DMXL2: variants seen among roughly 807,000 people sequenced by gnomAD.
The protein encoded by DMXL2 is Dmx like 2.
DMXL2 carries 103 observed loss-of-function variants against 331.1 expected under a neutral mutation model. The ratio of observed to expected loss-of-function variants is 0.31; its 90% CI spans 0.27 to 0.37. The LOEUF (loss-of-function observed/expected upper bound fraction) is 0.37, where lower values mean the gene tolerates loss of function less well. Among genes scored for constraint, DMXL2 ranks in the 10% least tolerant of loss-of-function variants. DMXL2 has a pLI of 1.00. For synonymous variants in DMXL2, 1,281 were observed against 1,252.1 expected (o/e 1.02, Z -0.49); for missense variants, 3,171 against 3,642.9 (o/e 0.87, Z 3.33).
intron 13 of DMXL2, among the ~76,000 whole-genome samples, chr15:51,529,995 G>A (rs1358254456): frequency 6.6e-6 from 1 of 152,000 alleles, no homozygotes; most frequent in Non-Finnish European, 1.5e-5. Context: ...AAGGACAACA[G>A]AATGAAGGAC....
chr15:51,591,199 C>T (rs758600764), intron 1 of DMXL2, among the ~76,000 whole-genome samples: 8 of 152,246 alleles, frequency 5.3e-5, no homozygotes, highest in Non-Finnish European at 8.8e-5. Flanking sequence ...AAAGCGGTGA[C>T]AGACGGCACC....
Position 51,483,103 on chromosome 15 carries a change from C to T in DMXL2, c.5483-1480G>A, listed in dbSNP as rs577483519. ...CATCAGCCCTCATGGCCACCACAAA[C>T]ATCTACAGTCCTTACAACAGAAGAA... On this transcript the variant is annotated intron_variant, in intron 23 of 43. Transcript: ENST00000560891. Among the ~76,000 whole-genome samples, 225 of 152,294 alleles carry T rather than the reference C, an allele frequency of 1.5e-3. 1 individual carries two copies. Among genetic ancestry groups the T allele is most frequent in the Non-Finnish European group, 2.6e-3 (179 of 68,024 alleles).
At chr15:51,534,531 G>A (rs1333475332) in intron 13 of DMXL2, among the ~76,000 whole-genome samples, 1 of 152,142 alleles carries the variant, frequency 6.6e-6, no homozygotes, top group Admixed American at 6.6e-5. Context: ...CTCCCTCATC[G>A]ATGGCCAGAT....
At chr15:51,466,617 G>C (rs1391327648) in intron 29 of DMXL2, 1 of 151,936 alleles carries the variant, frequency 6.6e-6, no homozygotes, top group Non-Finnish European at 1.5e-5. Context: ...GCAATAAATA[G>C]TTAGAAAAGT....
At chr15:51,469,452 C>A (rs1300625479) in intron 29 of DMXL2, among the ~76,000 whole-genome samples, 1 of 151,918 alleles carries the variant, frequency 6.6e-6, no homozygotes, top group Non-Finnish European at 1.5e-5. Flanking sequence ...AAACTGTTTA[C>A]CTTGTTAATG....
intron 26 of DMXL2, among the ~76,000 whole-genome samples, chr15:51,477,896 T>G (rs754361389): frequency 2.0e-5 from 3 of 152,110 alleles, no homozygotes; most frequent in Non-Finnish European, 4.4e-5. Context: ...TTCAAAAGTA[T>G]TTTTTATTTC....
At chr15:51,606,769 G>A (rs1194449116) in intron 1 of DMXL2, among the ~76,000 whole-genome samples, 3 of 152,120 alleles carry the variant, frequency 2.0e-5, no homozygotes, top group African/African-American at 4.8e-5. Flanking sequence ...AAGAACTTAC[G>A]GATGGCTTTA....
intron 6 of DMXL2, among the ~76,000 whole-genome samples, chr15:51,552,889 AACCACTAC>A (rs1167940545): frequency 6.6e-6 from 1 of 152,220 alleles, no homozygotes; most frequent in African/African-American, 2.4e-5. Context: ...ACTTTGGTCT[AACCACTAC>A]ACTCCAGCTT....
chr15:51,517,997 C>T (rs1331585319), intron 13 of DMXL2, among the ~76,000 whole-genome samples: 2 of 152,026 alleles, frequency 1.3e-5, no homozygotes, highest in South Asian at 2.1e-4. Flanking sequence ...GTATGTTCAC[C>T]CAAGATTCAT....
intron 20 of DMXL2, among the ~76,000 whole-genome samples, chr15:51,489,850 T>C (rs2042667960): frequency 1.3e-5 from 2 of 152,170 alleles, no homozygotes; most frequent in Non-Finnish European, 2.9e-5. Flanking sequence ...AGGCAGAAAA[T>C]GTACATATCC....
intron 6 of DMXL2, among the ~76,000 whole-genome samples, chr15:51,552,346 G>A (rs992961758): frequency 6.6e-6 from 1 of 152,192 alleles, no homozygotes; most frequent in Non-Finnish European, 1.5e-5. Flanking sequence ...AGAGACTACT[G>A]TAAAGGTCTG....
chr15:51,494,225 A>T (rs1013737893), intron 19 of DMXL2, among the ~76,000 whole-genome samples: 1 of 152,216 alleles, frequency 6.6e-6, no homozygotes, highest in Non-Finnish European at 1.5e-5. Context: ...TTAGACACAG[A>T]ATCTCAGATA....
intron 9 of DMXL2, among the ~76,000 whole-genome samples, chr15:51,540,258 C>G (rs1804591622): frequency 6.6e-6 from 1 of 152,072 alleles, no homozygotes; most frequent in East Asian, 1.9e-4. Context: ...AGAAAATAAT[C>G]TGCATTTAAG....
At chr15:51,451,470 A>G (rs2039131682) in intron 42 of DMXL2, among the ~76,000 whole-genome samples, 175 bp downstream of exon 42, 1 of 152,246 alleles carries the variant, frequency 6.6e-6, no homozygotes, top group African/African-American at 2.4e-5. Context: ...TCAGCAAGGA[A>G]GCCAGATATG....
Position 51,538,353 on chromosome 15 carries a change from G to A in DMXL2, c.1205C>T (p.Ser402Leu). 6.2e-7 allele frequency: 1 copy of A among 1,613,662 alleles called. No individual in the cohort carries two copies. The highest frequency in any genetic ancestry group is 1.1e-5 in the South Asian group (1 of 91,064). Residue 402 changes from serine (S) to leucine (L), a missense_variant, in exon 10 of 44, where the codon TCA (serine) becomes TTA (leucine). By Grantham distance (145) the Ser-to-Leu change is moderately radical (BLOSUM62 -2). Coordinates refer to ENST00000560891, the MANE Select transcript of DMXL2 (RefSeq NM_001378457.1). ...WLNNKEFHFT[S>L]STEVFMHQLR... ...TTGATGCATAAATACTTCTGTAGAT[G>A]ATGTAAAATGAAATTCCTTGTTGTT...
chr15:51,493,236 C>A (rs7173880), intron 19 of DMXL2, among the ~76,000 whole-genome samples: 75,223 of 151,622 alleles, frequency 0.5, 18,869 homozygotes, highest in Non-Finnish European at 0.52. Flanking sequence ...TCTGCTTCAG[C>A]AACTAATATA....
At chr15:51,489,841 G>C (rs1202630809) in intron 20 of DMXL2, among the ~76,000 whole-genome samples, 3 of 151,850 alleles carry the variant, frequency 2.0e-5, no homozygotes, top group Non-Finnish European at 4.4e-5. Flanking sequence ...TACATTTTGA[G>C]GCAGAAAATG....
chr15:51,486,052 G>T (rs750280911), intron 23 of DMXL2, 21 bp downstream of exon 23: 4 of 1,532,998 alleles, frequency 2.6e-6, no homozygotes, highest in Non-Finnish European at 3.5e-6. Context: ...AGAAAAAAAA[G>T]AAATCCACAA....
At chr15:51,540,130 T>C (rs1201544868) in intron 9 of DMXL2, among the ~76,000 whole-genome samples, 4 of 152,304 alleles carry the variant, frequency 2.6e-5, no homozygotes, top group East Asian at 1.9e-4. Flanking sequence ...CTAAATCTTA[T>C]TAACAAATAT....
Sources: gnomAD v4.1 joint callset for allele counts (sites outside exome capture counted in the v4.1 genomes callset) on GRCh38, gnomAD v4.1.1 for gene constraint, MANE v1.5 for transcripts, NCBI Gene and HGNC (gene_info 2026-07-23, HGNC 2026-07-21) for gene names.